Variants in CFAP210 observed in about 807,000 individuals in gnomAD.
CFAP210 encodes the protein cilia and flagella associated protein 210.
the CFAP210 span, among the ~76,000 whole-genome samples, chr2:169,691,959 ACTGT>A: frequency 6.6e-6 from 1 of 152,200 alleles, no homozygotes; most frequent in East Asian, 1.9e-4. Flanking sequence ...TTGCCAAAGG[ACTGT>A]CTATGAGTAT....
the CFAP210 span, among the ~76,000 whole-genome samples, chr2:169,690,271 C>T: frequency 1.3e-5 from 2 of 152,186 alleles, no homozygotes; most frequent in East Asian, 1.9e-4. Flanking sequence ...CAGGGTAATA[C>T]TGCCCTTATA....
the CFAP210 span, among the ~76,000 whole-genome samples, chr2:169,668,173 A>T: frequency 6.6e-6 from 1 of 152,220 alleles, no homozygotes; most frequent in Non-Finnish European, 1.5e-5. Flanking sequence ...CATTTATGTT[A>T]TGGAGGCAGC....
chr2:169,690,588 G>A, the CFAP210 span, among the ~76,000 whole-genome samples: 1 of 151,528 alleles, frequency 6.6e-6, no homozygotes, highest in Non-Finnish European at 1.5e-5. Context: ...ACTTGAACCT[G>A]GGAGGCAGAG....
chr2:169,673,386 G>A, the CFAP210 span, among the ~76,000 whole-genome samples: 1 of 152,188 alleles, frequency 6.6e-6, no homozygotes, highest in African/African-American at 2.4e-5. Flanking sequence ...TCAAAGACTT[G>A]CCTTCCTCTG....
the CFAP210 span, chr2:169,650,406 A>G: frequency 5.0e-6 from 8 of 1,603,914 alleles, no homozygotes; most frequent in Non-Finnish European, 5.9e-6. Context: ...CTTTTTTCCC[A>G]TTCAGCCTCA....
At chr2:169,665,450 A>C in the CFAP210 span, among the ~76,000 whole-genome samples, 1 of 150,870 alleles carries the variant, frequency 6.6e-6, no homozygotes, top group Non-Finnish European at 1.5e-5. Flanking sequence ...ACAGGCATGC[A>C]TCACCACACC....
the CFAP210 span, among the ~76,000 whole-genome samples, chr2:169,682,048 T>C: frequency 6.6e-6 from 1 of 152,202 alleles, no homozygotes; most frequent in Non-Finnish European, 1.5e-5. Flanking sequence ...GTTATAAAGT[T>C]AAAAAATGTC....
chr2:169,678,341 C>CAAA, the CFAP210 span, among the ~76,000 whole-genome samples: 12 of 88,166 alleles, frequency 1.4e-4, no homozygotes, highest in African/African-American at 2.1e-4. Flanking sequence ...AACTCTGTTG[C>CAAA]AAAAAAAAAA....
chr2:169,674,585 T>C, the CFAP210 span: 5 of 1,599,900 alleles, frequency 3.1e-6, 1 homozygote, highest in South Asian at 2.3e-5. Context: ...CTGTTTTAGA[T>C]GATCTTTGGC....
chr2:169,646,233 C>CT, the CFAP210 span: 2 of 1,322,124 alleles, frequency 1.5e-6, no homozygotes, highest in African/African-American at 1.5e-5. Flanking sequence ...AGAACATGAA[C>CT]TTTCTAAATA....
the CFAP210 span, among the ~76,000 whole-genome samples, chr2:169,669,100 A>T: frequency 2.0e-5 from 3 of 152,226 alleles, no homozygotes; most frequent in Non-Finnish European, 4.4e-5. Flanking sequence ...TAATTGAGGT[A>T]CTTAGATAAC....
the CFAP210 span, among the ~76,000 whole-genome samples, chr2:169,678,106 C>T: frequency 2.6e-3 from 394 of 151,882 alleles, 4 homozygotes; most frequent in African/African-American, 9.1e-3. Context: ...TTTGGGAGGC[C>T]GAGGTGGGCG....
the CFAP210 span, among the ~76,000 whole-genome samples, chr2:169,686,034 G>T: frequency 6.6e-6 from 1 of 151,974 alleles, no homozygotes; most frequent in Non-Finnish European, 1.5e-5. Context: ...TAGAAACAGG[G>T]TCTCTCTATG....
the CFAP210 span, chr2:169,694,368 C>G: frequency 6.3e-7 from 1 of 1,595,484 alleles, no homozygotes; most frequent in Non-Finnish European, 8.6e-7. Context: ...GCGCCAAGCG[C>G]CGCGGACGCC....
At chr2:169,677,391 G>A in the CFAP210 span, among the ~76,000 whole-genome samples, 5,397 of 152,252 alleles carry the variant, frequency 0.035, 347 homozygotes, top group African/African-American at 0.12. Flanking sequence ...AGGAATGCAA[G>A]CTTGGTTGAA....
chr2:169,674,606 C>T, the CFAP210 span: 16 of 1,607,402 alleles, frequency 1.0e-5, no homozygotes, highest in Admixed American at 5.1e-5. Context: ...AAGAGCCACC[C>T]TTTCTCTGTG....
chr2:169,652,243 T>C, the CFAP210 span, among the ~76,000 whole-genome samples: 2 of 152,158 alleles, frequency 1.3e-5, no homozygotes, highest in Non-Finnish European at 2.9e-5. Flanking sequence ...AATGTCTTTA[T>C]AGTTATAGAA....
At chr2:169,692,443 C>T in the CFAP210 span, among the ~76,000 whole-genome samples, 18 of 90,592 alleles carry the variant, frequency 2.0e-4, no homozygotes, top group Non-Finnish European at 4.9e-5. Flanking sequence ...AACAGGCGCA[C>T]GCACACACAC....
chr2:169,694,274 C>G, the CFAP210 span: 24 of 1,613,948 alleles, frequency 1.5e-5, no homozygotes, highest in Non-Finnish European at 1.9e-5. Flanking sequence ...TACTTTCCTT[C>G]GCCCGTCCAC....
Sources: gnomAD v4.1 joint callset for allele counts (sites outside exome capture counted in the v4.1 genomes callset) on GRCh38, gnomAD v4.1.1 for gene constraint, MANE v1.5 for transcripts, NCBI Gene and HGNC (gene_info 2026-07-23, HGNC 2026-07-21) for gene names.